The following ROBO2 variants were observed in gnomAD, a reference collection of about 807,000 sequenced individuals.
ROBO2 encodes the protein roundabout homolog 2.
Under a neutral mutation model 160.8 loss-of-function variants are expected in ROBO2, and 53 were observed. That is an observed-to-expected ratio of 0.33 (90% CI 0.26 to 0.41). The LOEUF is 0.41. Among genes scored for constraint, ROBO2 ranks in the 10% least tolerant of loss-of-function variants. The pLI is 1.00. For synonymous variants in ROBO2, 664 were observed against 611.7 expected (o/e 1.09, Z -1.26); for missense variants, 1,577 against 1,722.4 (o/e 0.92, Z 1.49).
chr3:76,629,881 CAACTT>C (rs553366876), intron 2 of ROBO2, among the ~76,000 whole-genome samples: 195 of 152,276 alleles, frequency 1.3e-3, no homozygotes, highest in African/African-American at 4.4e-3. Context: ...CCTTTCCAAA[CAACTT>C]ACCATACTTT....
intron 5 of ROBO2, among the ~76,000 whole-genome samples, chr3:77,494,622 C>T (rs749138086): frequency 3.7e-4 from 56 of 152,186 alleles, no homozygotes; most frequent in South Asian, 1.9e-3. Context: ...AAAACAACTT[C>T]GTTTCTTTCA....
At chr3:76,830,418 A>G (rs909763121) in intron 2 of ROBO2, among the ~76,000 whole-genome samples, 9 of 152,064 alleles carry the variant, frequency 5.9e-5, no homozygotes, top group African/African-American at 1.9e-4. Flanking sequence ...TTTCTTTTTC[A>G]GTATAGCTTT....
chr3:76,789,312 A>G (rs1030214723), intron 2 of ROBO2, among the ~76,000 whole-genome samples: 1 of 151,516 alleles, frequency 6.6e-6, no homozygotes, highest in South Asian at 2.1e-4. Context: ...CAAGCAGAAC[A>G]GTACAAATTA....
chr3:77,315,324 T>C (rs947526805), intron 2 of ROBO2, among the ~76,000 whole-genome samples: 2 of 152,200 alleles, frequency 1.3e-5, no homozygotes, highest in Non-Finnish European at 2.9e-5. Context: ...TTTTATCTGA[T>C]CAATCTACTC....
intron 2 of ROBO2, among the ~76,000 whole-genome samples, chr3:76,130,336 G>A (rs1271699187): frequency 1.3e-5 from 2 of 152,036 alleles, no homozygotes; most frequent in Non-Finnish European, 2.9e-5. Context: ...CAATGCTTTT[G>A]TTTATGCCGC....
intron 2 of ROBO2, among the ~76,000 whole-genome samples, chr3:76,725,559 T>C (rs1482312934): frequency 6.6e-6 from 1 of 152,214 alleles, no homozygotes; most frequent in Non-Finnish European, 1.5e-5. Flanking sequence ...GTGCAGATGC[T>C]TATTAGTAAG....
chr3:76,311,366 A>G (rs1229653986), intron 2 of ROBO2: 1 of 152,190 alleles, frequency 6.6e-6, no homozygotes, highest in Non-Finnish European at 1.5e-5. Flanking sequence ...CTCTGGACCA[A>G]CTCTGAGCAA....
chr3:77,053,995 G>A (rs1187718630), intron 1 of ROBO2, among the ~76,000 whole-genome samples: 4 of 152,172 alleles, frequency 2.6e-5, no homozygotes, highest in African/African-American at 9.6e-5. Context: ...CTCTTTCAAT[G>A]AATGTGGCTT....
At chr3:77,093,612 T>C (rs1436810965) in intron 1 of ROBO2, among the ~76,000 whole-genome samples, 1 of 152,158 alleles carries the variant, frequency 6.6e-6, no homozygotes, top group African/African-American at 2.4e-5. Context: ...GACTTATGCA[T>C]TGGGTCCATC....
chr3:76,112,789 T>A (rs1407537880), intron 2 of ROBO2, among the ~76,000 whole-genome samples: 1 of 152,110 alleles, frequency 6.6e-6, no homozygotes, highest in Non-Finnish European at 1.5e-5. Context: ...TATGTTTTTC[T>A]AATTTTATAA....
chr3:76,533,903 C>T (rs1006958890), intron 2 of ROBO2, among the ~76,000 whole-genome samples: 1 of 151,992 alleles, frequency 6.6e-6, no homozygotes, highest in Non-Finnish European at 1.5e-5. Context: ...GAGGGTCAAT[C>T]GGTGAAGGCA....
At chr3:76,859,326 A>C (rs1220089787) in intron 2 of ROBO2, among the ~76,000 whole-genome samples, 1 of 152,238 alleles carries the variant, frequency 6.6e-6, no homozygotes, top group Non-Finnish European at 1.5e-5. Flanking sequence ...CACAAATTTT[A>C]CATATTCTGA....
chr3:76,988,348 G>A (rs2060495033), intron 2 of ROBO2, among the ~76,000 whole-genome samples: 1 of 152,142 alleles, frequency 6.6e-6, no homozygotes, highest in African/African-American at 2.4e-5. Flanking sequence ...CCAAAGTGAA[G>A]TAGTAAATTG....
chr3:76,464,380 A>G (rs1013760319), intron 2 of ROBO2, among the ~76,000 whole-genome samples: 1 of 152,158 alleles, frequency 6.6e-6, no homozygotes, highest in Admixed American at 6.5e-5. Context: ...GGTACAGAAC[A>G]AAACCCCTTC....
chr3:76,721,753 G>A (rs264540), intron 2 of ROBO2, among the ~76,000 whole-genome samples: 8,523 of 152,242 alleles, frequency 0.056, 314 homozygotes, highest in East Asian at 0.11. Flanking sequence ...TGATCATAAG[G>A]CTGAATAGAG....
intron 2 of ROBO2, among the ~76,000 whole-genome samples, chr3:77,464,259 T>C (rs1284269145): frequency 6.6e-6 from 1 of 152,254 alleles, no homozygotes; most frequent in Non-Finnish European, 1.5e-5. Context: ...CCATTATCTT[T>C]ACCACAGTGC....
intron 2 of ROBO2, among the ~76,000 whole-genome samples, chr3:76,244,701 C>T (rs1174057144): frequency 6.6e-6 from 1 of 152,058 alleles, no homozygotes; most frequent in Non-Finnish European, 1.5e-5. Context: ...GAAATCTAGA[C>T]CTCGCACTGA....
intron 2 of ROBO2, among the ~76,000 whole-genome samples, chr3:76,400,855 G>A (rs79050711): frequency 0.046 from 6,917 of 151,378 alleles, 390 homozygotes; most frequent in African/African-American, 0.13. Context: ...CCAAATATGA[G>A]TTATACAAAA....
intron 2 of ROBO2, among the ~76,000 whole-genome samples, chr3:77,477,158 T>C (rs1377413095): frequency 6.6e-6 from 1 of 152,204 alleles, no homozygotes; most frequent in African/African-American, 2.4e-5. Context: ...TGAATATTTC[T>C]CATTTTTTTG....
Sources: allele counts gnomAD v4.1 joint callset (sites outside exome capture counted in the v4.1 genomes callset), GRCh38; gene constraint gnomAD v4.1.1; transcripts MANE v1.5; gene names NCBI Gene and HGNC (gene_info 2026-07-23, HGNC 2026-07-21).